The following VMA21 variants were observed in gnomAD, a reference collection of about 807,000 sequenced individuals.
The protein encoded by VMA21 is vacuolar ATPase assembly integral membrane protein VMA21.
For missense variants in VMA21, 61 were observed against 80.6 expected, an observed-to-expected ratio of 0.76 and a Z score of 0.93; for synonymous variants, 47 against 34.1, an observed-to-expected ratio of 1.38 and a Z score of -1.32.
intron 1 of VMA21, among the ~76,000 whole-genome samples, chrX:151,400,306 T>G (rs1371099543): frequency 1.1e-5 from 1 of 92,261 alleles, no homozygotes; most frequent in Non-Finnish European, 2.1e-5. Context: ...AGTGAGCTCA[T>G]GTAGTATTCG....
intron 1 of VMA21, among the ~76,000 whole-genome samples, chrX:151,399,442 C>T (rs1220870245): frequency 1.8e-5 from 2 of 112,399 alleles, no homozygotes; most frequent in Admixed American, 1.9e-4. Flanking sequence ...TCAGTTAACA[C>T]TTCCTTTCTG....
rs1484553809 is a variant in VMA21, at chrX:151,406,328, T to C, written c.*1270T>C. The C allele has an allele frequency of 8.9e-6, 1 of 112,130 alleles. No individual in the cohort carries two copies. The highest frequency in any genetic ancestry group is 9.5e-5 in the Admixed American group (1 of 10,526). The allele number at this position is 112,130 out of a possible 1,213,427, so 9.2% of individuals were successfully genotyped here. On this transcript the variant is annotated 3_prime_UTR_variant, in exon 3 of 3. Transcript: ENST00000330374. ...GCTTTTCCTGACAGCTATTTGCATT[T>C]TTTTCAGATGAGTGATTATTGGCCA...
At chrX:151,400,631 A>G (rs962505201) in intron 1 of VMA21, among the ~76,000 whole-genome samples, 1 of 112,302 alleles carries the variant, frequency 8.9e-6, no homozygotes, top group Non-Finnish European at 1.9e-5. Context: ...ACTGTTTTCC[A>G]TAATGGCTGT....
chrX:151,403,577 C>A, intron 1 of VMA21, 54 bp from the exon 2 acceptor site: 1 of 878,211 alleles, frequency 1.1e-6, no homozygotes, highest in Non-Finnish European at 1.7e-6. Context: ...GACATAAGAG[C>A]GTTTGGATAT....
At chrX:151,396,613 T>C (rs1000238164), upstream of VMA21, 2 of 344,169 alleles carry the variant, frequency 5.8e-6, no homozygotes, top group East Asian at 9.1e-5. Context: ...CAAGAGCTCT[T>C]TGAACTCTGA....
upstream of VMA21, chrX:151,397,057 G>T (rs1310361406): frequency 2.0e-6 from 1 of 489,186 alleles, no homozygotes; most frequent in Non-Finnish European, 3.7e-6. Flanking sequence ...AGCCACCGCC[G>T]GTAAGTCATG....
At chrX:151,397,111 GCGCGC>G (rs1158989505), upstream of VMA21, 170 of 341,371 alleles carry the variant, frequency 5.0e-4, 1 homozygote, top group African/African-American at 3.0e-3. Context: ...CGTCGCTGCG[GCGCGC>G]CGCGCCGCGC....
chrX:151,406,100 T>C lies in VMA21; in HGVS notation c.*1042T>C, dbSNP rs888290401. On this transcript the variant is annotated 3_prime_UTR_variant, in exon 3 of 3. Coordinates refer to ENST00000330374, the MANE Select transcript of VMA21 (RefSeq NM_001017980.4). Reference sequence around the variant, plus strand: ...ACTCCCACAAGTATTTGTTTTTTAATTATAAAATCATAGTATATGTTCTTT... The same window carrying C: ...ACTCCCACAAGTATTTGTTTTTTAACTATAAAATCATAGTATATGTTCTTT... 8.9e-6 allele frequency: 1 copy of C among 111,857 alleles called. No homozygotes were observed. Among genetic ancestry groups the C allele is most frequent in the African/African-American group, 3.2e-5 (1 of 30,804 alleles). 9.2% of individuals were successfully genotyped at this position (111,857 alleles called of 1,213,427 possible).
upstream of VMA21, chrX:151,397,107 TGCGGCGCGCCGCGCCG>T (rs2011197323): frequency 2.9e-6 from 1 of 348,037 alleles, no homozygotes; most frequent in Non-Finnish European, 4.7e-6. Flanking sequence ...CCTGCGTCGC[TGCGGCGCGCCGCGCCG>T]CGCCGCGCCT....
In VMA21 at chrX:151,408,057, A is replaced by G. The variant is rs999076221; in HGVS notation, c.*2999A>G. The G allele has an allele frequency of 1.8e-5, 2 of 109,206 alleles. No individual in the cohort carries two copies. Among genetic ancestry groups the G allele is most frequent in the African/African-American group, 6.7e-5 (2 of 29,954 alleles). The allele number at this position is 109,206 out of a possible 1,213,427, so 9.0% of individuals were successfully genotyped here. A position where few individuals can be genotyped will look rare whatever the true frequency, so the allele number is the denominator to read the frequency against. On this transcript the variant is annotated 3_prime_UTR_variant, in exon 3 of 3. Transcript: ENST00000330374. ...CAGGTGCGTGCCACCACACCCGGCT[A>G]ATTTTTGTATTTTTAGTAGAGACGG... is the stretch of plus-strand genomic sequence containing the variant.
intron 1 of VMA21, among the ~76,000 whole-genome samples, chrX:151,403,189 A>G (rs2011251838): frequency 9.2e-6 from 1 of 108,537 alleles, no homozygotes; most frequent in African/African-American, 3.4e-5. Context: ...GGGCGCGCTG[A>G]TCCACCCATG....
At chrX:151,401,536 A>G (rs2011236994) in intron 1 of VMA21, among the ~76,000 whole-genome samples, 1 of 111,682 alleles carries the variant, frequency 9.0e-6, no homozygotes, top group Non-Finnish European at 1.9e-5. Flanking sequence ...TTGTTTTTCT[A>G]TTTTAATGAA....
rs2011313379 is a variant in VMA21, at chrX:151,407,994, CA to C, written c.*2937del. On this transcript the variant is annotated 3_prime_UTR_variant, in exon 3 of 3. Coordinates refer to ENST00000330374, the MANE Select transcript of VMA21 (RefSeq NM_001017980.4). Reference sequence around the variant, plus strand: ...GCAACCTCCGCCTCCCGGGTTCAAGCAGTTCTCCTGCCTCAGCCCCCTGAGT... The same window carrying C: ...GCAACCTCCGCCTCCCGGGTTCAAGCGTTCTCCTGCCTCAGCCCCCTGAGT... The C allele has an allele frequency of 9.2e-6, 1 of 109,270 alleles. No individual in the cohort carries two copies. The highest frequency in any genetic ancestry group is 1.9e-5 in the Non-Finnish European group (1 of 52,546). The allele number at this position is 109,270 out of a possible 1,213,427, so 9.0% of individuals were successfully genotyped here. A position where few individuals can be genotyped will look rare whatever the true frequency, so the allele number is the denominator to read the frequency against.
Position 151,405,916 on chromosome X carries a change from A to G in VMA21, c.*858A>G, listed in dbSNP as rs1400254777. ...TGCATTTAAATATGTTCATTTTTGC[A>G]TATGTTAGGAGTGGAAACAATCTGG... On this transcript the variant is annotated 3_prime_UTR_variant, in exon 3 of 3. Coordinates refer to ENST00000330374, the MANE Select transcript of VMA21 (RefSeq NM_001017980.4). 1.8e-5 allele frequency: 2 copies of G among 111,744 alleles called. No homozygotes were observed. Among genetic ancestry groups the G allele is most frequent in the Non-Finnish European group, 3.8e-5 (2 of 53,180 alleles). 9.2% of individuals were successfully genotyped at this position (111,744 alleles called of 1,213,427 possible). A position where few individuals can be genotyped will look rare whatever the true frequency, so the allele number is the denominator to read the frequency against.
intron 1 of VMA21, among the ~76,000 whole-genome samples, chrX:151,403,142 C>T (rs5924933): frequency 6.3e-5 from 7 of 110,895 alleles, no homozygotes; most frequent in Non-Finnish European, 9.5e-5. Context: ...GCAAGCTGGT[C>T]GCTTCCCGTG....
At position 151,403,891 on chromosome X, in the gene VMA21, A is replaced by G. The variant is rs895659700; in HGVS notation, c.163+151A>G. 8.9e-6 allele frequency: 4 copies of G among 448,399 alleles called. No individual in the cohort carries two copies. The Admixed American group carries it at 1.5e-4, about 17-fold the overall frequency. 37.0% of individuals were successfully genotyped at this position (448,399 alleles called of 1,213,427 possible). A position where few individuals can be genotyped will look rare whatever the true frequency, so the allele number is the denominator to read the frequency against. On this transcript the variant is annotated intron_variant, in intron 2 of 2. Transcript: ENST00000330374. ...ATTGCTCATAATGAGTCTTTATGAA[A>G]TAACTTATTGTTTCAGCTTGACAGT...
rs2011286791 is a variant in VMA21, at chrX:151,405,900, A to G, written c.*842A>G. 1 of 111,956 alleles carries G rather than the reference A, an allele frequency of 8.9e-6. No homozygotes were observed. Among genetic ancestry groups the G allele is most frequent in the African/African-American group, 3.2e-5 (1 of 30,800 alleles). 9.2% of individuals were successfully genotyped at this position (111,956 alleles called of 1,213,427 possible). The stretch of plus-strand genomic sequence containing the variant: ...GTATATGATAGGAATTTGCATTTAA[A>G]TATGTTCATTTTTGCATATGTTAGG... On this transcript the variant is annotated 3_prime_UTR_variant, in exon 3 of 3. Transcript: ENST00000330374.
chrX:151,406,544 T>G lies in VMA21; in HGVS notation c.*1486T>G, dbSNP rs1240551254. ...ATGCCTGCCACCACGCCTGGCTAAT[T>G]TTTTTTTGTATTTTTTTGTAGAGAC... On this transcript the variant is annotated 3_prime_UTR_variant, in exon 3 of 3. Coordinates refer to ENST00000330374, the MANE Select transcript of VMA21 (RefSeq NM_001017980.4). The G allele has an allele frequency of 9.1e-6, 1 of 109,979 alleles. No homozygotes were observed. The highest frequency in any genetic ancestry group is 9.7e-5 in the Admixed American group (1 of 10,302). 9.1% of individuals were successfully genotyped at this position (109,979 alleles called of 1,213,427 possible).
intron 1 of VMA21, among the ~76,000 whole-genome samples, chrX:151,398,171 G>C (rs189011065): frequency 9.9e-6 from 1 of 101,221 alleles, no homozygotes; most frequent in East Asian, 2.9e-4. Context: ...TTCCGACAGG[G>C]TCATTGTGAG....
Sources: gnomAD v4.1 joint callset for allele counts (sites outside exome capture counted in the v4.1 genomes callset) on GRCh38, gnomAD v4.1.1 for gene constraint, MANE v1.5 for transcripts, NCBI Gene and HGNC (gene_info 2026-07-23, HGNC 2026-07-21) for gene names.